CNTN1: variants seen among roughly 807,000 people sequenced by gnomAD.
CNTN1 encodes the protein contactin 1, also known as contactin-1.
In CNTN1, 38 loss-of-function variants were observed where a neutral mutation model predicts 126.4. The observed-to-expected ratio is 0.30, with a 90% CI of 0.23 to 0.39. The LOEUF (loss-of-function observed/expected upper bound fraction) is 0.39. CNTN1 is among the 10% of genes least tolerant of loss of function. CNTN1 has a pLI of 1.00. For missense variants in CNTN1, 1,009 were observed against 1,248.4 expected (o/e 0.81, Z 2.89); for synonymous variants, 413 against 422.6 (o/e 0.98, Z 0.28).
intron 1 of CNTN1, among the ~76,000 whole-genome samples, chr12:40,698,008 T>G (rs6581905): frequency 0.66 from 99,582 of 151,908 alleles, 32,969 homozygotes; most frequent in East Asian, 0.86. Context: ...AATTTTTCAC[T>G]CCTGTACTTG....
At chr12:40,802,410 A>G (rs888735049) in intron 1 of CNTN1, among the ~76,000 whole-genome samples, 1 of 151,980 alleles carries the variant, frequency 6.6e-6, no homozygotes, top group African/African-American at 2.4e-5. Context: ...GAAAAAATAT[A>G]AACTTTATTT....
At chr12:40,804,626 G>A (rs1940775275) in intron 1 of CNTN1, among the ~76,000 whole-genome samples, 1 of 151,930 alleles carries the variant, frequency 6.6e-6, no homozygotes, top group African/African-American at 2.4e-5. Context: ...AGGGCTTAGG[G>A]TAGGAAAGGC....
At chr12:40,721,657 C>G (rs768495033) in intron 1 of CNTN1, among the ~76,000 whole-genome samples, 11 of 143,920 alleles carry the variant, frequency 7.6e-5, no homozygotes, top group Admixed American at 2.8e-4. Flanking sequence ...CCCATTAACT[C>G]GTCATTTAGC....
intron 1 of CNTN1, among the ~76,000 whole-genome samples, chr12:40,896,767 A>G (rs938282881): frequency 2.6e-5 from 4 of 152,236 alleles, no homozygotes; most frequent in Non-Finnish European, 5.9e-5. Flanking sequence ...AAGCAAGAAT[A>G]TAATAATAAG....
chr12:40,813,544 A>G (rs952628702), intron 1 of CNTN1, among the ~76,000 whole-genome samples: 1 of 152,166 alleles, frequency 6.6e-6, no homozygotes, highest in Non-Finnish European at 1.5e-5. Context: ...TTATGTCTGC[A>G]TAGTATTCTA....
At chr12:41,007,350 G>T (rs184073531) in intron 17 of CNTN1, among the ~76,000 whole-genome samples, 1 of 151,968 alleles carries the variant, frequency 6.6e-6, no homozygotes, top group South Asian at 2.1e-4. Context: ...GTGAGCCACC[G>T]CGCCCGGCCA....
At chr12:40,759,784 T>A (rs73110889) in intron 1 of CNTN1, among the ~76,000 whole-genome samples, 1,969 of 151,446 alleles carry the variant, frequency 0.013, 41 homozygotes, top group African/African-American at 0.038. Flanking sequence ...ATTTTTTTTT[T>A]TTTTTTTTTC....
intron 1 of CNTN1, among the ~76,000 whole-genome samples, chr12:40,898,456 G>A (rs991289793): frequency 6.6e-6 from 1 of 152,040 alleles, no homozygotes; most frequent in African/African-American, 2.4e-5. Flanking sequence ...TGTCTGCATG[G>A]TTAAATTGCA....
At chr12:40,961,573 T>G in intron 15 of CNTN1, among the ~76,000 whole-genome samples, 1 of 151,940 alleles carries the variant, frequency 6.6e-6, no homozygotes, top group East Asian at 1.9e-4. Context: ...CTTTAAGGGA[T>G]CCATGGACCA....
At chr12:40,952,541 A>G (rs773592400) in intron 14 of CNTN1, among the ~76,000 whole-genome samples, 2 of 152,048 alleles carry the variant, frequency 1.3e-5, no homozygotes, top group African/African-American at 4.8e-5. Context: ...CAGTTTTAGT[A>G]GTATTAATAG....
intron 1 of CNTN1, among the ~76,000 whole-genome samples, chr12:40,777,909 C>A (rs1432862021): frequency 6.6e-6 from 1 of 151,784 alleles, no homozygotes. Context: ...TAAGCAACTT[C>A]AAATTTACCT....
intron 20 of CNTN1, among the ~76,000 whole-genome samples, chr12:41,021,173 A>G (rs1279447338): frequency 6.6e-6 from 1 of 152,222 alleles, no homozygotes; most frequent in East Asian, 1.9e-4. Flanking sequence ...AGATGAGCAA[A>G]TGGATACCAA....
chr12:40,799,506 G>A (rs1268773703), intron 1 of CNTN1, among the ~76,000 whole-genome samples: 2 of 151,700 alleles, frequency 1.3e-5, no homozygotes, highest in Non-Finnish European at 2.9e-5. Flanking sequence ...CCATTTTTTG[G>A]CAGAACATAA....
intron 17 of CNTN1, among the ~76,000 whole-genome samples, chr12:41,007,483 C>T (rs1948531132): frequency 6.6e-6 from 1 of 152,172 alleles, no homozygotes; most frequent in African/African-American, 2.4e-5. Flanking sequence ...AGGACATGGA[C>T]TCACACGAGG....
At chr12:40,706,802 G>A (rs1941752514) in intron 1 of CNTN1, among the ~76,000 whole-genome samples, 1 of 152,152 alleles carries the variant, frequency 6.6e-6, no homozygotes, top group African/African-American at 2.4e-5. Context: ...GGCACTGGCT[G>A]TTCTCAATAT....
intron 1 of CNTN1, among the ~76,000 whole-genome samples, chr12:40,722,752 G>A (rs1159561067): frequency 6.6e-6 from 1 of 152,018 alleles, no homozygotes; most frequent in Admixed American, 6.6e-5. Context: ...AATAGAACTG[G>A]TTCTTTCTTT....
intron 15 of CNTN1, among the ~76,000 whole-genome samples, chr12:40,975,751 G>T (rs1947655861): frequency 6.6e-6 from 1 of 152,076 alleles, no homozygotes; most frequent in Admixed American, 6.6e-5. Flanking sequence ...AAGAAGGGTA[G>T]CAATTTGAAC....
At chr12:40,968,722 G>A (rs1188024311) in intron 15 of CNTN1, among the ~76,000 whole-genome samples, 1 of 152,034 alleles carries the variant, frequency 6.6e-6, no homozygotes, top group Middle Eastern at 3.2e-3. Flanking sequence ...CATAGGCAAA[G>A]GAAGTTTAAA....
chr12:40,852,882 T>C (rs1304209531), intron 1 of CNTN1, among the ~76,000 whole-genome samples: 1 of 144,406 alleles, frequency 6.9e-6, no homozygotes, highest in East Asian at 2.0e-4. Flanking sequence ...ATAATCCTTA[T>C]TGCATAGTTT....
Sources: gnomAD v4.1 joint callset for allele counts (sites outside exome capture counted in the v4.1 genomes callset) on GRCh38, gnomAD v4.1.1 for gene constraint, MANE v1.5 for transcripts, NCBI Gene and HGNC (gene_info 2026-07-23, HGNC 2026-07-21) for gene names.